The following PRKG1 variants were observed in gnomAD, a reference collection of about 807,000 sequenced individuals.
The protein encoded by PRKG1 is cGMP-dependent protein kinase 1.
PRKG1 carries 35 observed loss-of-function variants against 88.1 expected under a neutral mutation model. The observed-to-expected ratio is 0.40, with a 90% confidence interval of 0.30 to 0.53. The LOEUF (loss-of-function observed/expected upper bound fraction) is 0.53. PRKG1 is among the 20% of genes least tolerant of loss of function. The pLI is 0.59. For synonymous variants in PRKG1, 303 were observed against 292.5 expected (o/e 1.04, Z -0.37); for missense variants, 540 against 839.8 (o/e 0.64, Z 4.41).
chr10:51,854,878 G>A (rs1342902117), intron 4 of PRKG1, among the ~76,000 whole-genome samples: 2 of 152,104 alleles, frequency 1.3e-5, no homozygotes, highest in African/African-American at 4.8e-5. Context: ...ACTGAGTGAA[G>A]GACTTGCGCC....
At chr10:52,209,198 A>G (rs907095005) in intron 9 of PRKG1, among the ~76,000 whole-genome samples, 8 of 152,200 alleles carry the variant, frequency 5.3e-5, no homozygotes, top group Admixed American at 5.2e-4. Flanking sequence ...TCAGCCCTCC[A>G]GACCTACTTA....
chr10:51,861,883 C>T (rs558243173), intron 4 of PRKG1, among the ~76,000 whole-genome samples: 3 of 152,310 alleles, frequency 2.0e-5, no homozygotes, highest in South Asian at 2.1e-4. Flanking sequence ...CTGCTGGACT[C>T]GTTCAACCCA....
intron 9 of PRKG1, among the ~76,000 whole-genome samples, chr10:52,179,444 T>G (rs1838953861): frequency 6.6e-6 from 1 of 152,192 alleles, no homozygotes; most frequent in South Asian, 2.1e-4. Context: ...AGATTTCTGC[T>G]GAGAAATCCA....
At chr10:51,747,749 C>T (rs1307498458) in intron 3 of PRKG1, among the ~76,000 whole-genome samples, 1 of 152,006 alleles carries the variant, frequency 6.6e-6, no homozygotes, top group Admixed American at 6.6e-5. Context: ...AGTTTATAGA[C>T]TTTTAGTACT....
At chr10:51,039,530 G>C (rs1843393684) in intron 1 of PRKG1, among the ~76,000 whole-genome samples, 1 of 152,028 alleles carries the variant, frequency 6.6e-6, no homozygotes, top group Non-Finnish European at 1.5e-5. Context: ...CCCATTCCTT[G>C]GGTTGTGTCT....
At chr10:52,229,445 T>A (rs1231617716) in intron 9 of PRKG1, among the ~76,000 whole-genome samples, 1 of 152,180 alleles carries the variant, frequency 6.6e-6, no homozygotes, top group Non-Finnish European at 1.5e-5. Flanking sequence ...ACCACCCTCA[T>A]GATGGCTTTG....
intron 2 of PRKG1, among the ~76,000 whole-genome samples, chr10:51,185,956 T>G (rs1837474399): frequency 6.6e-6 from 1 of 151,928 alleles, no homozygotes. Flanking sequence ...ATATGCATTT[T>G]AATATCTTAA....
At chr10:51,609,063 G>A (rs766309713) in intron 3 of PRKG1, among the ~76,000 whole-genome samples, 33 of 151,544 alleles carry the variant, frequency 2.2e-4, no homozygotes, top group Admixed American at 7.9e-4. Flanking sequence ...AATAAGCTAA[G>A]GTTAGTTTAT....
At chr10:51,388,238 C>T (rs1171708947) in intron 2 of PRKG1, among the ~76,000 whole-genome samples, 2 of 152,124 alleles carry the variant, frequency 1.3e-5, no homozygotes, top group Admixed American at 6.5e-5. Flanking sequence ...TCCCTATAGC[C>T]ATCACATATT....
At position 52,021,250 on chromosome 10, in the gene PRKG1, A is replaced by G. The variant is rs140646800; in HGVS notation, c.763-33234A>G. On this transcript the variant is annotated intron_variant, in intron 5 of 17. Coordinates refer to ENST00000373980, the MANE Select transcript of PRKG1 (RefSeq NM_006258.4). ...GTGTGGCACTTGAGGCTTGAGAATT[A>G]TAAAGGCAGCCATGTATGATATGTT... 3.9e-5 allele frequency among the ~76,000 whole-genome samples: 6 copies of G among 152,334 alleles called. No individual in the cohort carries two copies. The South Asian group carries it at 6.2e-4, about 16-fold the overall frequency.
At chr10:51,988,045 T>C (rs1844208706) in intron 5 of PRKG1, among the ~76,000 whole-genome samples, 1 of 152,062 alleles carries the variant, frequency 6.6e-6, no homozygotes, top group Admixed American at 6.6e-5. Context: ...CAAATCTCTC[T>C]TTTGCCTTAT....
At chr10:52,022,500 G>A in intron 5 of PRKG1, among the ~76,000 whole-genome samples, 1 of 151,996 alleles carries the variant, frequency 6.6e-6, no homozygotes, top group East Asian at 1.9e-4. Context: ...GACAAATCCA[G>A]TCTCAACATT....
intron 2 of PRKG1, among the ~76,000 whole-genome samples, chr10:51,277,467 A>G (rs1053020727): frequency 6.7e-6 from 1 of 149,164 alleles, no homozygotes; most frequent in Non-Finnish European, 1.5e-5. Context: ...TTCCATATGA[A>G]CTTTAAAGTA....
chr10:51,909,449 C>T (rs891067639), intron 5 of PRKG1: 4 of 149,784 alleles, frequency 2.7e-5, no homozygotes, highest in African/African-American at 9.8e-5. Flanking sequence ...AAGCTTAAAA[C>T]CAAAAAAAAA....
chr10:51,834,851 T>G lies in PRKG1; in HGVS notation c.698+30161T>G, dbSNP rs1167208995. On this transcript the variant is annotated intron_variant, in intron 4 of 17. Coordinates refer to ENST00000373980, the MANE Select transcript of PRKG1 (RefSeq NM_006258.4). Reference sequence around the variant, plus strand: ...CCACACCCAAGGTCATCACATTGCATGGGGCAAGTGAGATGGAAAAGGGTC... The same window carrying G: ...CCACACCCAAGGTCATCACATTGCAGGGGGCAAGTGAGATGGAAAAGGGTC... Among the ~76,000 whole-genome samples the G allele has an allele frequency of 4.6e-5, 7 of 152,180 alleles. No individual in the cohort carries two copies. In the East Asian group the frequency reaches 1.4e-3, roughly 29 times the overall value.
At chr10:51,990,193 T>C (rs1388463852) in intron 5 of PRKG1, among the ~76,000 whole-genome samples, 2 of 152,184 alleles carry the variant, frequency 1.3e-5, no homozygotes, top group Non-Finnish European at 2.9e-5. Flanking sequence ...TAATCTTATA[T>C]CTGTTTTTAT....
chr10:51,152,994 G>A (rs3740292), intron 1 of PRKG1, among the ~76,000 whole-genome samples, 170 bp from the exon 2 acceptor site: 2 of 120,802 alleles, frequency 1.7e-5, no homozygotes, highest in Non-Finnish European at 3.5e-5. Flanking sequence ...TTTTTTTTTT[G>A]TTTTGCTGCC....
At chr10:51,949,099 G>T (rs1843125005) in intron 5 of PRKG1, among the ~76,000 whole-genome samples, 1 of 152,090 alleles carries the variant, frequency 6.6e-6, no homozygotes, top group Non-Finnish European at 1.5e-5. Context: ...CTTCAATATG[G>T]ACATCTAAGA....
intron 1 of PRKG1, among the ~76,000 whole-genome samples, chr10:51,112,751 A>G (rs1845008156): frequency 6.6e-6 from 1 of 152,160 alleles, no homozygotes; most frequent in African/African-American, 2.4e-5. Context: ...TTAAATTTTC[A>G]GTCTTCTTTA....
Sources: allele counts gnomAD v4.1 joint callset (sites outside exome capture counted in the v4.1 genomes callset), GRCh38; gene constraint gnomAD v4.1.1; transcripts MANE v1.5; gene names NCBI Gene and HGNC (gene_info 2026-07-23, HGNC 2026-07-21).